Variants in ADAMTS19 observed in about 807,000 individuals in gnomAD.
ADAMTS19 encodes ADAM metallopeptidase with thrombospondin type 1 motif 19, also known as A disintegrin and metalloproteinase with thrombospondin motifs 19.
A neutral mutation model predicts 153.3 loss-of-function variants in ADAMTS19; 93 were observed. The observed-to-expected ratio is 0.61, with a 90% CI of 0.51 to 0.72. ADAMTS19 has a LOEUF of 0.72. Ranked by LOEUF, ADAMTS19 falls within the 30% of genes least tolerant of loss-of-function variation. The pLI, the probability that ADAMTS19 is intolerant of heterozygous loss-of-function variation, is 0.00. For synonymous variants in ADAMTS19, 600 were observed against 556.6 expected (o/e 1.08, Z -1.10); for missense variants, 1,482 against 1,552.1 (o/e 0.95, Z 0.76).
chr5:129,618,885 A>G (rs536223197), intron 8 of ADAMTS19, among the ~76,000 whole-genome samples: 2 of 152,198 alleles, frequency 1.3e-5, no homozygotes, highest in South Asian at 4.1e-4. Context: ...AGAATTCACA[A>G]GAGACTATAT....
At chr5:129,548,575 T>G (rs151247171) in intron 6 of ADAMTS19, among the ~76,000 whole-genome samples, 65,000 of 148,426 alleles carry the variant, frequency 0.44, 15,795 homozygotes, top group African/African-American at 0.64. Context: ...TACACTGTTG[T>G]TGGGACTGTA....
chr5:129,577,108 C>T (rs1485654508), intron 7 of ADAMTS19, among the ~76,000 whole-genome samples: 1 of 152,112 alleles, frequency 6.6e-6, no homozygotes, highest in Admixed American at 6.6e-5. Flanking sequence ...AAAGTGTTCA[C>T]TAATCCTAAT....
In ADAMTS19 at chr5:129,734,928, CT is replaced by C. The variant is rs1484561017; in HGVS notation, c.3313-3del. ...AACCTAAACAAACCTTGTATTTCTC[CT>C]AGTGCTCAATTACCTGTGGCAAAGG... On this transcript the variant is annotated splice_region_variant and splice_polypyrimidine_tract_variant and intron_variant, in intron 21 of 22. Transcript: ENST00000274487. 6.4e-7 allele frequency: 1 copy of C among 1,559,236 alleles called. No individual in the cohort carries two copies. Among genetic ancestry groups the C allele is most frequent in the South Asian group, 1.2e-5 (1 of 82,206 alleles).
At chr5:129,627,629 G>A (rs567239594) in intron 10 of ADAMTS19, among the ~76,000 whole-genome samples, 183 of 152,162 alleles carry the variant, frequency 1.2e-3, no homozygotes, top group Non-Finnish European at 2.1e-3. Flanking sequence ...CCATTAAAAA[G>A]TGGGCAAAGA....
intron 2 of ADAMTS19, among the ~76,000 whole-genome samples, chr5:129,506,484 TGCA>T (rs1751273788): frequency 6.6e-6 from 1 of 152,100 alleles, no homozygotes; most frequent in Non-Finnish European, 1.5e-5. Context: ...ATGCACAATG[TGCA>T]GGTTAGTTAC....
chr5:129,587,851 C>T (rs1233590332), intron 7 of ADAMTS19, among the ~76,000 whole-genome samples: 1 of 152,058 alleles, frequency 6.6e-6, no homozygotes, highest in African/African-American at 2.4e-5. Context: ...TGCAGTTGTA[C>T]TCTTCTGGAT....
chr5:129,586,932 T>C lies in ADAMTS19; in HGVS notation c.1373-9627T>C, dbSNP rs530773603. On this transcript the variant is annotated intron_variant, in intron 7 of 22. Coordinates refer to ENST00000274487, the MANE Select transcript of ADAMTS19 (RefSeq NM_133638.6). Reference sequence around the variant, plus strand: ...TCTCAAATAAAAATGTCATATTTTGTTGTCTGTTTCCTCTAAGATTCAAAT... The same window carrying C: ...TCTCAAATAAAAATGTCATATTTTGCTGTCTGTTTCCTCTAAGATTCAAAT... 2.6e-5 allele frequency among the ~76,000 whole-genome samples: 4 copies of C among 152,312 alleles called. No homozygotes were observed. In the East Asian group the frequency reaches 7.7e-4, roughly 29 times the overall value.
Position 129,645,885 on chromosome 5 carries a change from A to ATTTTTTTTTTTTTTTTTTTTTTTTTTT in ADAMTS19, c.1873-1859_1873-1858insTTTTTTTTTTTTTTTTTTTTTTTTTTT, listed in dbSNP as rs529444004. Among the ~76,000 whole-genome samples the ATTTTTTTTTTTTTTTTTTTTTTTTTTT allele has an allele frequency of 3.3e-4, 32 of 97,100 alleles. 4 individuals carry two copies. The highest frequency in any genetic ancestry group is 4.4e-4 in the African/African-American group (10 of 22,514). The allele number at this position is 97,100 out of a possible 152,430, so 63.7% of individuals were successfully genotyped here. On this transcript the variant is annotated intron_variant, in intron 11 of 22. Transcript: ENST00000274487. ...CACATGGTTTCTTTCTCCTTTTCCA[A>ATTTTTTTTTTTTTTTTTTTTTTTTTTT]TTTTTTTTTTTTTTTTTTTTTGAGA... is the stretch of plus-strand genomic sequence containing the variant.
At chr5:129,640,174 T>C (rs1482249721) in intron 10 of ADAMTS19, among the ~76,000 whole-genome samples, 2 of 152,124 alleles carry the variant, frequency 1.3e-5, no homozygotes, top group Non-Finnish European at 2.9e-5. Context: ...ATTAAATATA[T>C]CTCACTCTCT....
intron 2 of ADAMTS19, among the ~76,000 whole-genome samples, chr5:129,477,886 T>C (rs1490499105): frequency 1.3e-5 from 2 of 152,200 alleles, no homozygotes; most frequent in African/African-American, 2.4e-5. Flanking sequence ...TTCTTTCCAT[T>C]ACCTCTCACT....
At chr5:129,567,133 A>G (rs561411585) in intron 7 of ADAMTS19, among the ~76,000 whole-genome samples, 28 of 152,274 alleles carry the variant, frequency 1.8e-4, no homozygotes, top group Non-Finnish European at 2.9e-4. Context: ...GAGCTATTAC[A>G]ATAGCAATGC....
At chr5:129,598,217 A>G (rs969433868) in intron 8 of ADAMTS19, among the ~76,000 whole-genome samples, 2 of 152,200 alleles carry the variant, frequency 1.3e-5, no homozygotes, top group Admixed American at 6.5e-5. Flanking sequence ...CCATATGGCA[A>G]CCATTCCTAG....
At chr5:129,681,986 A>T (rs1634964) in intron 17 of ADAMTS19, among the ~76,000 whole-genome samples, 22,445 of 152,174 alleles carry the variant, frequency 0.15, 1,830 homozygotes, top group East Asian at 0.3. Context: ...CCCTGCCTTT[A>T]ATAAATGTAA....
chr5:129,609,915 G>T (rs1424135983), intron 8 of ADAMTS19, among the ~76,000 whole-genome samples: 2 of 152,220 alleles, frequency 1.3e-5, no homozygotes, highest in Non-Finnish European at 2.9e-5. Context: ...CTCTGTGTTG[G>T]CAAGAGGCCA....
chr5:129,618,300 T>C (rs1751621267), intron 8 of ADAMTS19, among the ~76,000 whole-genome samples: 1 of 152,056 alleles, frequency 6.6e-6, no homozygotes, highest in South Asian at 2.1e-4. Flanking sequence ...TGCTACAGAC[T>C]CTATTTGAAG....
intron 8 of ADAMTS19, among the ~76,000 whole-genome samples, chr5:129,598,884 A>G (rs1449817370): frequency 6.6e-6 from 1 of 152,152 alleles, no homozygotes; most frequent in Non-Finnish European, 1.5e-5. Context: ...CTTATTTGAG[A>G]AGTTTGTCCT....
intron 15 of ADAMTS19, among the ~76,000 whole-genome samples, chr5:129,661,722 G>C (rs1192931296): frequency 6.6e-6 from 1 of 152,092 alleles, no homozygotes; most frequent in East Asian, 1.9e-4. Context: ...GGAATAAAAG[G>C]CAAATTACAT....
chr5:129,698,359 T>C (rs907114419), intron 19 of ADAMTS19, among the ~76,000 whole-genome samples: 8 of 152,144 alleles, frequency 5.3e-5, no homozygotes, highest in Non-Finnish European at 8.8e-5. Context: ...CTTTCCCCTT[T>C]CTCCAACCTA....
chr5:129,640,934 C>T (rs1752760482), intron 10 of ADAMTS19, among the ~76,000 whole-genome samples: 1 of 152,098 alleles, frequency 6.6e-6, no homozygotes, highest in Non-Finnish European at 1.5e-5. Flanking sequence ...AAGCAATTCT[C>T]GTGCCTCAGC....
Sources: gnomAD v4.1 joint callset for allele counts (sites outside exome capture counted in the v4.1 genomes callset) on GRCh38, gnomAD v4.1.1 for gene constraint, MANE v1.5 for transcripts, NCBI Gene and HGNC (gene_info 2026-07-23, HGNC 2026-07-21) for gene names.